PTPRD: variants seen among roughly 807,000 people sequenced by gnomAD.
The protein encoded by PTPRD is receptor-type tyrosine-protein phosphatase delta.
In PTPRD, 34 loss-of-function variants were observed where a neutral mutation model predicts 214.5. The observed-to-expected ratio is 0.16, with a 90% confidence interval of 0.12 to 0.21. PTPRD has a LOEUF of 0.21. PTPRD is among the 10% of genes least tolerant of loss of function. PTPRD has a pLI of 1.00. For missense variants in PTPRD, 2,545 were observed against 2,398.7 expected (o/e 1.06, Z -1.27); for synonymous variants, 1,128 against 845.7 (o/e 1.33, Z -5.79).
rs183617905 is a variant in PTPRD at position 8,654,895 on chromosome 9, T to A, written c.65-18051A>T. On this transcript the variant is annotated intron_variant, in intron 12 of 45. Transcript: ENST00000381196. The stretch of plus-strand genomic sequence containing the variant: ...CTCAAGTTGACCCTAATATGTGATA[T>A]TATTAGCTCTTTTTTTCTGTTAGAC... Among the ~76,000 whole-genome samples the A allele has an allele frequency of 1.9e-3, 290 of 152,272 alleles. 3 individuals are homozygous for A. The highest frequency in any genetic ancestry group is 6.6e-3 in the African/African-American group (275 of 41,554).
At chr9:8,984,125 C>A (rs1018115145) in intron 11 of PTPRD, among the ~76,000 whole-genome samples, 11 of 151,844 alleles carry the variant, frequency 7.2e-5, no homozygotes, top group Non-Finnish European at 1.3e-4. Flanking sequence ...TTTTTAAGTC[C>A]TAATTGCAGT....
chr9:10,238,330 C>CA (rs2099635903), intron 3 of PTPRD, among the ~76,000 whole-genome samples: 1 of 151,774 alleles, frequency 6.6e-6, no homozygotes, highest in African/African-American at 2.4e-5. Flanking sequence ...GACTAGTTTC[C>CA]CCCACCACCA....
At chr9:9,628,230 C>A (rs2095482474) in intron 7 of PTPRD, among the ~76,000 whole-genome samples, 2 of 152,114 alleles carry the variant, frequency 1.3e-5, no homozygotes, top group Admixed American at 1.3e-4. Flanking sequence ...TCACTTCACC[C>A]ATAACACATG....
intron 11 of PTPRD, among the ~76,000 whole-genome samples, chr9:8,945,378 C>G (rs994937344): frequency 6.6e-6 from 1 of 152,054 alleles, no homozygotes; most frequent in Non-Finnish European, 1.5e-5. Context: ...AGAGCAGTCA[C>G]CAAGACTTGT....
chr9:8,764,397 C>A (rs1212584397), intron 11 of PTPRD, among the ~76,000 whole-genome samples: 2 of 152,150 alleles, frequency 1.3e-5, no homozygotes, highest in Non-Finnish European at 2.9e-5. Flanking sequence ...TTCCCAGTAA[C>A]ACCCTGACAG....
At chr9:8,985,723 A>G (rs1446489913) in intron 11 of PTPRD, among the ~76,000 whole-genome samples, 1 of 151,866 alleles carries the variant, frequency 6.6e-6, no homozygotes, top group Non-Finnish European at 1.5e-5. Context: ...CCCAACGTCT[A>G]TGAGAAGTTA....
intron 11 of PTPRD, among the ~76,000 whole-genome samples, chr9:8,977,111 C>G (rs562980808): frequency 6.6e-6 from 1 of 152,072 alleles, no homozygotes; most frequent in Admixed American, 6.6e-5. Flanking sequence ...CAAGTCCTGT[C>G]GATTCTGTGC....
chr9:8,704,872 A>T (rs2098171008), intron 12 of PTPRD, among the ~76,000 whole-genome samples: 1 of 152,012 alleles, frequency 6.6e-6, no homozygotes, highest in Non-Finnish European at 1.5e-5. Flanking sequence ...GCAGTGAGCC[A>T]AGATCATGCC....
chr9:9,299,539 T>G (rs1256597047), intron 9 of PTPRD, among the ~76,000 whole-genome samples: 1 of 151,788 alleles, frequency 6.6e-6, no homozygotes, highest in Non-Finnish European at 1.5e-5. Context: ...TTATTTGGGA[T>G]TTAAATATTG....
intron 3 of PTPRD, among the ~76,000 whole-genome samples, chr9:10,316,636 A>T (rs2096440953): frequency 6.6e-6 from 1 of 152,000 alleles, no homozygotes; most frequent in South Asian, 2.1e-4. Context: ...GAATCAACAC[A>T]ATTCTCAAAA....
At chr9:10,216,900 GA>G (rs2099544002) in intron 3 of PTPRD, among the ~76,000 whole-genome samples, 1 of 151,900 alleles carries the variant, frequency 6.6e-6, no homozygotes, top group Non-Finnish European at 1.5e-5. Flanking sequence ...CTTCCATGGG[GA>G]TGTTCACTCT....
At chr9:10,555,767 C>G (rs1477996017) in intron 2 of PTPRD, among the ~76,000 whole-genome samples, 6 of 152,074 alleles carry the variant, frequency 3.9e-5, no homozygotes, top group Non-Finnish European at 8.8e-5. Flanking sequence ...CCACAAAACT[C>G]AATCATCAGA....
Position 10,049,017 on chromosome 9 carries a change from C to T in PTPRD, c.-544-15227G>A, listed in dbSNP as rs559072951. ...TTCAAGAGCAAAAGAGAGCTGCAGT[C>T]CTTGAACTGGATAAAGATGAGGTTT... On this transcript the variant is annotated intron_variant, in intron 3 of 45. Transcript: ENST00000381196. 1.2e-3 allele frequency among the ~76,000 whole-genome samples: 177 copies of T among 151,972 alleles called. 1 individual carries two copies. The highest frequency in any genetic ancestry group is 3.9e-3 in the African/African-American group (161 of 41,458).
At chr9:8,937,016 T>C (rs1296170975) in intron 11 of PTPRD, among the ~76,000 whole-genome samples, 2 of 152,216 alleles carry the variant, frequency 1.3e-5, no homozygotes, top group Non-Finnish European at 2.9e-5. Flanking sequence ...AGTATTTGGA[T>C]AGATGTTACA....
In PTPRD at chr9:8,729,765, T is replaced by C. The variant is rs573353278; in HGVS notation, c.64+4015A>G. Among the ~76,000 whole-genome samples the C allele has an allele frequency of 2.2e-3, 337 of 152,358 alleles. 1 individual carries two copies. Among genetic ancestry groups the C allele is most frequent in the Non-Finnish European group, 3.2e-3 (219 of 68,032 alleles). ...ACAGCCAGACTTCAAAACCAGACTA[T>C]GGCTTCAGAGCTCACATTCTTAACC... On this transcript the variant is annotated intron_variant, in intron 12 of 45. Coordinates refer to ENST00000381196, the MANE Select transcript of PTPRD (RefSeq NM_002839.4).
intron 2 of PTPRD, among the ~76,000 whole-genome samples, chr9:10,384,659 T>C (rs1172851120): frequency 2.0e-5 from 3 of 151,356 alleles, no homozygotes; most frequent in Non-Finnish European, 3.0e-5. Context: ...TTTTAAAAAA[T>C]TGTATAAGAA....
At position 9,444,242 on chromosome 9, in the gene PTPRD, C is replaced by T. The variant is rs553799823; in HGVS notation, c.-236-46760G>A. ...TAGGAGAGTTCTATAATATGCTTTACTTTTTTGACTTCTAGTTTTTTATTT... is the reference window on the plus strand; with the variant it reads ...TAGGAGAGTTCTATAATATGCTTTATTTTTTTGACTTCTAGTTTTTTATTT... On this transcript the variant is annotated intron_variant, in intron 8 of 45. Transcript: ENST00000381196. 2.0e-5 allele frequency among the ~76,000 whole-genome samples: 3 copies of T among 152,158 alleles called. No individual in the cohort carries two copies. In the South Asian group the frequency reaches 6.2e-4, roughly 32 times the overall value.
intron 37 of PTPRD, among the ~76,000 whole-genome samples, chr9:8,385,847 C>G (rs937520338): frequency 6.6e-6 from 1 of 152,158 alleles, no homozygotes; most frequent in African/African-American, 2.4e-5. Flanking sequence ...CTGAGCTCCT[C>G]TCTCCTCTTG....
intron 39 of PTPRD, among the ~76,000 whole-genome samples, chr9:8,367,081 T>C (rs2080117653): frequency 6.6e-6 from 1 of 152,220 alleles, no homozygotes; most frequent in Non-Finnish European, 1.5e-5. Context: ...ATGGTTTGTA[T>C]GGTTGGTGAC....
Sources: gnomAD v4.1 joint callset for allele counts (sites outside exome capture counted in the v4.1 genomes callset) on GRCh38, gnomAD v4.1.1 for gene constraint, MANE v1.5 for transcripts, NCBI Gene and HGNC (gene_info 2026-07-23, HGNC 2026-07-21) for gene names.